Variants in CPM observed in about 807,000 individuals in gnomAD.
The protein encoded by CPM is renal carboxypeptidase.
A neutral mutation model predicts 46.4 loss-of-function variants in CPM; 35 were observed. The ratio of observed to expected loss-of-function variants is 0.75; its 90% CI spans 0.58 to 1.00. The LOEUF (loss-of-function observed/expected upper bound fraction) is 1.00, where lower values mean the gene tolerates loss of function less well. CPM is among the 50% of genes least tolerant of loss of function. The pLI is 0.00. For synonymous variants in CPM, 195 were observed against 195.3 expected (o/e 1.00, Z 0.01); for missense variants, 422 against 530.4 (o/e 0.80, Z 2.01).
intron 5 of CPM, 43 bp downstream of exon 5, chr12:68,870,172 A>G (rs201337162): frequency 6.3e-7 from 1 of 1,579,832 alleles, no homozygotes; most frequent in East Asian, 2.2e-5. Flanking sequence ...TTTCAGCCCC[A>G]CTCTGGACTT....
rs1428733058 is a variant in CPM, at chr12:68,932,673, C to G, written c.160+5G>C. 3.1e-6 allele frequency: 5 copies of G among 1,613,578 alleles called. No individual in the cohort carries two copies. The highest frequency in any genetic ancestry group is 3.3e-4 in the Middle Eastern group (2 of 6,082). On this transcript the variant is annotated splice_donor_5th_base_variant and intron_variant, in intron 2 of 8. Coordinates refer to ENST00000551568, the MANE Select transcript of CPM (RefSeq NM_198320.5). The stretch of plus-strand genomic sequence containing the variant: ...TTGGCAAAGTGTTCACGAGACGGAC[C>G]CTACCTTTCACAGATTTCCCAATAC...
chr12:68,902,591 G>A (rs1887156321), intron 2 of CPM, among the ~76,000 whole-genome samples: 1 of 152,126 alleles, frequency 6.6e-6, no homozygotes, highest in Admixed American at 6.5e-5. Flanking sequence ...GGAATCAGAG[G>A]AAAAACTCAA....
chr12:68,911,799 A>C (rs1887605050), intron 2 of CPM: 1 of 152,188 alleles, frequency 6.6e-6, no homozygotes, highest in Non-Finnish European at 1.5e-5. Flanking sequence ...GGAACTAGGC[A>C]CAGATAGGGT....
At chr12:68,951,212 G>T (rs1209837638) in intron 1 of CPM, among the ~76,000 whole-genome samples, 1 of 152,144 alleles carries the variant, frequency 6.6e-6, no homozygotes, top group African/African-American at 2.4e-5. Context: ...TTCCTTTTAG[G>T]ATTGTTGTGA....
In CPM at chr12:68,951,655, G is replaced by A. The variant is rs1047018427; in HGVS notation, c.-4+11514C>T. ...ATATTGCAGATGCCAAGTGCTGGCCGTGCCAGCCCCCACCACCAGCGAGTG... is the reference window on the plus strand; with the variant it reads ...ATATTGCAGATGCCAAGTGCTGGCCATGCCAGCCCCCACCACCAGCGAGTG... On this transcript the variant is annotated intron_variant, in intron 1 of 8. Coordinates refer to the CPM transcript ENST00000546373. 3.3e-5 allele frequency among the ~76,000 whole-genome samples: 5 copies of A among 152,148 alleles called. No homozygotes were observed. The South Asian group carries it at 6.2e-4, about 19-fold the overall frequency.
chr12:68,938,730 A>G (rs1047379076), intron 1 of CPM, among the ~76,000 whole-genome samples: 1 of 151,802 alleles, frequency 6.6e-6, no homozygotes, highest in African/African-American at 2.4e-5. Context: ...TTCAAGTTTT[A>G]ATTTTAACTT....
At chr12:68,864,824 C>A (rs918926469) in intron 7 of CPM, among the ~76,000 whole-genome samples, 11 of 151,946 alleles carry the variant, frequency 7.2e-5, no homozygotes, top group African/African-American at 2.4e-4. Flanking sequence ...CTCACCTGGA[C>A]AACATAGCAA....
At chr12:68,928,034 T>C (rs951404164) in intron 2 of CPM, among the ~76,000 whole-genome samples, 9 of 152,136 alleles carry the variant, frequency 5.9e-5, no homozygotes, top group Non-Finnish European at 1.2e-4. Flanking sequence ...AAAGTTCATA[T>C]GGAACCAAAA....
chr12:68,862,415 A>C (rs867896658), intron 7 of CPM, among the ~76,000 whole-genome samples: 1 of 138,934 alleles, frequency 7.2e-6, no homozygotes, highest in South Asian at 2.2e-4. Flanking sequence ...TTGTATTTTT[A>C]GTAGAGATGG....
rs1884825955 is a variant in CPM, at chr12:68,853,629, G to C, written c.*2808C>G. 6.6e-6 allele frequency: 1 copy of C among 151,966 alleles called. No homozygotes were observed. Among genetic ancestry groups the C allele is most frequent in the South Asian group, 2.1e-4 (1 of 4,812 alleles). 9.4% of individuals were successfully genotyped at this position (151,966 alleles called of 1,614,324 possible). ...GATCCCATAGAACTTTCAATTGAAAGTAATAACCAAGGCAACTCACTTTCC... is the reference window on the plus strand; with the variant it reads ...GATCCCATAGAACTTTCAATTGAAACTAATAACCAAGGCAACTCACTTTCC... On this transcript the variant is annotated 3_prime_UTR_variant, in exon 9 of 9. Coordinates refer to ENST00000551568, the MANE Select transcript of CPM (RefSeq NM_198320.5).
At chr12:68,887,033 G>A (rs1172266764) in intron 2 of CPM, among the ~76,000 whole-genome samples, 1 of 152,158 alleles carries the variant, frequency 6.6e-6, no homozygotes, top group Admixed American at 6.5e-5. Context: ...GCCGATCAGA[G>A]GCTGTGATTT....
chr12:68,872,871 AT>A (rs1885772551), intron 3 of CPM, among the ~76,000 whole-genome samples: 1 of 152,156 alleles, frequency 6.6e-6, no homozygotes, highest in African/African-American at 2.4e-5. Flanking sequence ...GACTATTAAA[AT>A]GTTAAAAGCT....
chr12:68,903,292 T>C (rs1365367537), intron 2 of CPM, among the ~76,000 whole-genome samples: 1 of 152,222 alleles, frequency 6.6e-6, no homozygotes, highest in Non-Finnish European at 1.5e-5. Flanking sequence ...CCTTTGGAAC[T>C]ATTGAAGTCT....
At chr12:68,900,283 C>A (rs1745927037) in intron 2 of CPM, among the ~76,000 whole-genome samples, 1 of 152,136 alleles carries the variant, frequency 6.6e-6, no homozygotes, top group Non-Finnish European at 1.5e-5. Context: ...AAGATGTCAT[C>A]ATATGTCACA....
intron 1 of CPM, among the ~76,000 whole-genome samples, chr12:68,955,714 G>A (rs180943662): frequency 6.6e-6 from 1 of 152,216 alleles, no homozygotes; most frequent in Non-Finnish European, 1.5e-5. Flanking sequence ...GTTGTCCTGA[G>A]GTCTGTGCAG....
At chr12:68,936,596 A>G (rs553821317), upstream of CPM, among the ~76,000 whole-genome samples, 7 of 152,080 alleles carry the variant, frequency 4.6e-5, no homozygotes, top group East Asian at 5.8e-4. Flanking sequence ...GTTGGCCAGG[A>G]TGGTCTCGAA....
At chr12:68,884,059 G>A (rs1170716240) in intron 3 of CPM, among the ~76,000 whole-genome samples, 1 of 139,710 alleles carries the variant, frequency 7.2e-6, no homozygotes, top group African/African-American at 2.7e-5. Flanking sequence ...GCAGTGAGCC[G>A]AGATCATGCC....
At chr12:68,950,284 G>A (rs922303152) in intron 1 of CPM, among the ~76,000 whole-genome samples, 4 of 152,082 alleles carry the variant, frequency 2.6e-5, no homozygotes, top group African/African-American at 4.8e-5. Flanking sequence ...CGCCCAATGC[G>A]CGCCAACAGG....
At chr12:68,879,107 G>A (rs577251553) in intron 3 of CPM, among the ~76,000 whole-genome samples, 1 of 152,294 alleles carries the variant, frequency 6.6e-6, no homozygotes, top group Non-Finnish European at 1.5e-5. Flanking sequence ...AGGATTGCTT[G>A]GACCCAGGTG....
Sources: allele counts gnomAD v4.1 joint callset (sites outside exome capture counted in the v4.1 genomes callset), GRCh38; gene constraint gnomAD v4.1.1; transcripts MANE v1.5; gene names NCBI Gene and HGNC (gene_info 2026-07-23, HGNC 2026-07-21).